Variants in DNM3 observed in about 807,000 individuals in gnomAD.
DNM3 encodes dynamin 3.
DNM3 carries 47 observed loss-of-function variants against 101.6 expected under a neutral mutation model. That is an observed-to-expected ratio of 0.46 (90% CI 0.37 to 0.59). DNM3 has a LOEUF of 0.59. Ranked by LOEUF, DNM3 falls within the 20% of genes least tolerant of loss-of-function variation. The probability of loss-of-function intolerance (pLI) is 0.00; values close to 1 mark genes in which losing one functional copy is unlikely to be tolerated. For synonymous variants in DNM3, 385 were observed against 387.9 expected (o/e 0.99, Z 0.09); for missense variants, 849 against 1,085.7 (o/e 0.78, Z 3.06).
At chr1:172,365,672 T>TAAAC (rs2067976933) in intron 17 of DNM3, among the ~76,000 whole-genome samples, 1 of 151,920 alleles carries the variant, frequency 6.6e-6, no homozygotes, top group South Asian at 2.1e-4. Context: ...AAGACATCCA[T>TAAAC]AAACCTCAAG....
At chr1:171,863,585 C>A (rs566393133) in intron 1 of DNM3, among the ~76,000 whole-genome samples, 10 of 152,162 alleles carry the variant, frequency 6.6e-5, no homozygotes, top group Admixed American at 6.6e-4. Context: ...TGCTAAAATC[C>A]CTGTTACCCA....
intron 10 of DNM3, 50 bp downstream of exon 10, chr1:172,048,800 A>G (rs775319200): frequency 1.9e-6 from 3 of 1,586,292 alleles, no homozygotes; most frequent in Non-Finnish European, 1.7e-6. Flanking sequence ...GTTTATCAAC[A>G]TTCCCTATCT....
intron 2 of DNM3, among the ~76,000 whole-genome samples, chr1:171,984,372 G>C (rs1185761087): frequency 6.6e-6 from 1 of 152,132 alleles, no homozygotes; most frequent in Non-Finnish European, 1.5e-5. Flanking sequence ...CCTGTCCACA[G>C]CACTGGCCTT....
At chr1:171,946,140 C>T (rs1333567006) in intron 2 of DNM3, among the ~76,000 whole-genome samples, 2 of 152,102 alleles carry the variant, frequency 1.3e-5, no homozygotes, top group Non-Finnish European at 2.9e-5. Flanking sequence ...TTTCTTTGTG[C>T]GTTTCAAAGA....
intron 11 of DNM3, among the ~76,000 whole-genome samples, chr1:172,080,942 T>A (rs1013940292): frequency 6.6e-6 from 1 of 152,040 alleles, no homozygotes; most frequent in Non-Finnish European, 1.5e-5. Flanking sequence ...CAGCTCACCC[T>A]CCATGGGCTG....
At chr1:172,415,540 T>G (rs201624353), downstream of DNM3, among the ~76,000 whole-genome samples, 28,392 of 143,602 alleles carry the variant, frequency 0.2, 3,218 homozygotes, top group East Asian at 0.37. Context: ...TTTTTTTTTT[T>G]TTTTTTTGAG....
chr1:172,121,771 G>A (rs1016178311), intron 13 of DNM3, among the ~76,000 whole-genome samples: 1 of 152,122 alleles, frequency 6.6e-6, no homozygotes, highest in Non-Finnish European at 1.5e-5. Context: ...GAGGAACCAG[G>A]GAAACAGAAA....
At chr1:172,231,390 C>G (rs1229760019) in intron 14 of DNM3, among the ~76,000 whole-genome samples, 1 of 152,084 alleles carries the variant, frequency 6.6e-6, no homozygotes, top group Non-Finnish European at 1.5e-5. Flanking sequence ...GGTCCTGACT[C>G]TTAGAAGGAA....
intron 15 of DNM3, among the ~76,000 whole-genome samples, chr1:172,283,004 C>T (rs2063548040): frequency 6.6e-6 from 1 of 152,220 alleles, no homozygotes; most frequent in Non-Finnish European, 1.5e-5. Context: ...GAACTTCTTC[C>T]TTTCCAGGTT....
chr1:172,004,677 A>G (rs2046562505), intron 4 of DNM3, among the ~76,000 whole-genome samples: 1 of 152,020 alleles, frequency 6.6e-6, no homozygotes. Flanking sequence ...ACCAAGGAGT[A>G]AGAAAAATTC....
chr1:171,841,772 G>C lies in DNM3; in HGVS notation c.116G>C (p.Gly39Ala). The C allele has an allele frequency of 1.2e-6, 2 of 1,610,196 alleles. No homozygotes were observed. The highest frequency in any genetic ancestry group is 1.7e-6 in the Non-Finnish European group (2 of 1,179,214). Reference protein sequence around the residue: ...LELPQIAVVGGQSAGKSSVLE... With the variant: ...LELPQIAVVGAQSAGKSSVLE... ...CTGCCGCAGATCGCCGTGGTGGGCG[G>C]CCAGAGCGCCGGCAAGAGCTCGGTG... is the stretch of plus-strand genomic sequence containing the variant. Residue 39 changes from glycine (G) to alanine (A), a missense_variant, in exon 1 of 21, where the codon GGC becomes GCC. By Grantham distance (60) the Gly-to-Ala change is moderately conservative. Coordinates refer to ENST00000627582, the MANE Select transcript of DNM3 (RefSeq NM_015569.5).
intron 15 of DNM3, among the ~76,000 whole-genome samples, chr1:172,271,440 C>A (rs1195780724): frequency 6.6e-6 from 1 of 151,506 alleles, no homozygotes; most frequent in Non-Finnish European, 1.5e-5. Context: ...CTTTTTTTTA[C>A]AGTTTTGCAA....
chr1:172,136,152 C>A (rs1326547432), intron 14 of DNM3, among the ~76,000 whole-genome samples: 10 of 152,004 alleles, frequency 6.6e-5, no homozygotes, highest in Admixed American at 6.6e-4. Flanking sequence ...AAATTACAGG[C>A]CTCATTTTTG....
intron 3 of DNM3, among the ~76,000 whole-genome samples, chr1:171,988,161 C>T: frequency 6.6e-6 from 1 of 152,078 alleles, no homozygotes; most frequent in East Asian, 1.9e-4. Context: ...GTCTTGCAGC[C>T]ATATATAGTC....
chr1:172,291,205 A>G (rs2063899393), intron 15 of DNM3, among the ~76,000 whole-genome samples: 1 of 152,186 alleles, frequency 6.6e-6, no homozygotes. Context: ...GCAAATAGAA[A>G]TGGGGCAGTT....
At chr1:172,133,881 TA>T (rs760371486) in intron 14 of DNM3, among the ~76,000 whole-genome samples, 3 of 152,118 alleles carry the variant, frequency 2.0e-5, no homozygotes, top group Non-Finnish European at 4.4e-5. Flanking sequence ...AAATCAGAGG[TA>T]CCAGTAGATG....
chr1:171,858,950 C>A lies in DNM3; in HGVS notation c.161+17133C>A, dbSNP rs2033895564. On this transcript the variant is annotated intron_variant, in intron 1 of 20. Transcript: ENST00000627582. ...GGACTATAACAATAGACTCATAATA[C>A]TTTCCCCATTTGTAACCTTCCAATC... Among the ~76,000 whole-genome samples the A allele has an allele frequency of 2.0e-5, 3 of 152,276 alleles. No homozygotes were observed. In the South Asian group the frequency reaches 6.2e-4, roughly 32 times the overall value.
At chr1:172,099,034 GAC>G (rs1282952553) in intron 13 of DNM3, among the ~76,000 whole-genome samples, 2 of 152,190 alleles carry the variant, frequency 1.3e-5, no homozygotes, top group Admixed American at 6.5e-5. Flanking sequence ...TAAAGCTGAG[GAC>G]ACAGACAAAT....
chr1:172,089,082 G>T (rs886538720), intron 12 of DNM3, among the ~76,000 whole-genome samples: 1 of 152,216 alleles, frequency 6.6e-6, no homozygotes, highest in Admixed American at 6.5e-5. Context: ...GTGCACACAC[G>T]CACACACATA....
Sources: gnomAD v4.1 joint callset for allele counts (sites outside exome capture counted in the v4.1 genomes callset) on GRCh38, gnomAD v4.1.1 for gene constraint, MANE v1.5 for transcripts, NCBI Gene and HGNC (gene_info 2026-07-23, HGNC 2026-07-21) for gene names.